The following NKAIN2 variants were observed in gnomAD, a reference collection of about 807,000 sequenced individuals.
NKAIN2 encodes the protein sodium/potassium transporting ATPase interacting 2.
Under a neutral mutation model 32.6 loss-of-function variants are expected in NKAIN2, and 14 were observed. The ratio of observed to expected loss-of-function variants is 0.43; its 90% CI spans 0.28 to 0.67. NKAIN2 has a LOEUF of 0.67. Ranked by LOEUF, NKAIN2 falls within the 30% of genes least tolerant of loss-of-function variation. The pLI is 0.17. For missense variants in NKAIN2, 198 were observed against 258.3 expected, an observed-to-expected ratio of 0.77 and a Z score of 1.60; for synonymous variants, 80 against 87.2, an observed-to-expected ratio of 0.92 and a Z score of 0.46.
chr6:124,564,525 G>A (rs764627136), intron 3 of NKAIN2, among the ~76,000 whole-genome samples: 1 of 152,106 alleles, frequency 6.6e-6, no homozygotes, highest in Non-Finnish European at 1.5e-5. Flanking sequence ...CAACCTGCTC[G>A]GGTCCCATTA....
At chr6:123,975,621 G>C (rs181972766) in intron 1 of NKAIN2, among the ~76,000 whole-genome samples, 1 of 152,234 alleles carries the variant, frequency 6.6e-6, no homozygotes, top group Non-Finnish European at 1.5e-5. Context: ...GGAAGTCCAA[G>C]ATCAAGGCAA....
intron 1 of NKAIN2, among the ~76,000 whole-genome samples, chr6:124,273,587 A>C (rs1582967354): frequency 6.6e-6 from 1 of 152,224 alleles, no homozygotes; most frequent in African/African-American, 2.4e-5. Context: ...GTCAGATGAC[A>C]TGAATATGTC....
chr6:123,853,920 C>T (rs1253909558), intron 1 of NKAIN2, among the ~76,000 whole-genome samples: 1 of 151,962 alleles, frequency 6.6e-6, no homozygotes, highest in Non-Finnish European at 1.5e-5. Flanking sequence ...CTACAGGTGC[C>T]CACCACCACA....
intron 4 of NKAIN2, among the ~76,000 whole-genome samples, chr6:124,692,819 GAAA>G (rs548346323): frequency 6.9e-6 from 1 of 144,894 alleles, no homozygotes; most frequent in African/African-American, 2.6e-5. Flanking sequence ...TGTCTCAAAA[GAAA>G]AAAAAAAATA....
intron 4 of NKAIN2, among the ~76,000 whole-genome samples, chr6:124,688,453 T>C (rs1774098354): frequency 6.6e-6 from 1 of 152,110 alleles, no homozygotes; most frequent in Non-Finnish European, 1.5e-5. Flanking sequence ...ATACATTTGT[T>C]ACAATTGATG....
At chr6:124,195,617 C>G (rs1258085109) in intron 1 of NKAIN2, among the ~76,000 whole-genome samples, 1 of 152,062 alleles carries the variant, frequency 6.6e-6, no homozygotes, top group Non-Finnish European at 1.5e-5. Flanking sequence ...AAGTGAGAAA[C>G]TTGGATAAAG....
chr6:124,147,492 G>A (rs1787470131), intron 1 of NKAIN2, among the ~76,000 whole-genome samples: 2 of 151,874 alleles, frequency 1.3e-5, no homozygotes, highest in Non-Finnish European at 2.9e-5. Flanking sequence ...GAGATAAAAA[G>A]ACTAAAATAA....
At chr6:123,930,286 A>G (rs912187523) in intron 1 of NKAIN2, among the ~76,000 whole-genome samples, 2 of 152,178 alleles carry the variant, frequency 1.3e-5, no homozygotes, top group African/African-American at 4.8e-5. Flanking sequence ...TGTACATTTT[A>G]TGGTGTAGAT....
At chr6:124,444,834 T>C (rs1445724072) in intron 3 of NKAIN2, among the ~76,000 whole-genome samples, 1 of 151,982 alleles carries the variant, frequency 6.6e-6, no homozygotes, top group Non-Finnish European at 1.5e-5. Flanking sequence ...ATTTAAGAAA[T>C]TGAATTTTAA....
In NKAIN2 at chr6:124,038,607, A is replaced by G. The variant is rs143635699; in HGVS notation, c.54+234353A>G. On this transcript the variant is annotated intron_variant, in intron 1 of 6. Coordinates refer to ENST00000368417, the MANE Select transcript of NKAIN2 (RefSeq NM_001040214.3). ...ATTTAAACTGCATATTATTAGAAAA[A>G]AATATGAGACCTAGGAAAGACTGTA... Among the ~76,000 whole-genome samples the G allele has an allele frequency of 4.2e-4, 64 of 152,242 alleles. 1 individual carries two copies. In the East Asian group the frequency reaches 0.011, roughly 27 times the overall value.
At chr6:123,983,745 A>T (rs1019396791) in intron 1 of NKAIN2, among the ~76,000 whole-genome samples, 20 of 150,024 alleles carry the variant, frequency 1.3e-4, no homozygotes, top group South Asian at 2.1e-4. Flanking sequence ...ATATATATAT[A>T]TTTTTTTTTT....
At chr6:123,852,958 ATGT>A (rs1775410823) in intron 1 of NKAIN2, among the ~76,000 whole-genome samples, 2 of 152,340 alleles carry the variant, frequency 1.3e-5, no homozygotes, top group Admixed American at 1.3e-4. Context: ...ATGTTTCTAA[ATGT>A]TGTACCATGT....
chr6:124,687,504 A>C (rs1774009684), intron 4 of NKAIN2, among the ~76,000 whole-genome samples: 1 of 5,616 alleles, frequency 1.8e-4, no homozygotes, highest in South Asian at 0.014. Context: ...ATATACATAC[A>C]TGGTATATAT....
At chr6:124,037,167 A>G (rs967008230) in intron 1 of NKAIN2, among the ~76,000 whole-genome samples, 4 of 152,152 alleles carry the variant, frequency 2.6e-5, no homozygotes, top group African/African-American at 9.6e-5. Context: ...ATCACTTCCA[A>G]GAAGGAAAAC....
chr6:124,615,645 A>T (rs1782858430), intron 3 of NKAIN2, among the ~76,000 whole-genome samples: 1 of 152,132 alleles, frequency 6.6e-6, no homozygotes, highest in Non-Finnish European at 1.5e-5. Flanking sequence ...AAAATAAAAG[A>T]TATAAAATTT....
chr6:123,837,191 G>T (rs1774665142), intron 1 of NKAIN2, among the ~76,000 whole-genome samples: 2 of 151,614 alleles, frequency 1.3e-5, no homozygotes, highest in South Asian at 4.2e-4. Flanking sequence ...GATTTATGCT[G>T]CATGTTTTAT....
chr6:124,014,837 A>G (rs558205351), intron 1 of NKAIN2, among the ~76,000 whole-genome samples: 1 of 152,168 alleles, frequency 6.6e-6, no homozygotes, highest in Non-Finnish European at 1.5e-5. Context: ...CTTAAAAATC[A>G]TCTTTTTGAA....
At chr6:124,499,748 T>C (rs1778211258) in intron 3 of NKAIN2, among the ~76,000 whole-genome samples, 1 of 152,226 alleles carries the variant, frequency 6.6e-6, no homozygotes, top group Non-Finnish European at 1.5e-5. Flanking sequence ...GCATCACTTA[T>C]ATGGAAGGAA....
intron 3 of NKAIN2, among the ~76,000 whole-genome samples, chr6:124,360,666 G>A (rs1398653388): frequency 2.0e-5 from 3 of 151,978 alleles, no homozygotes; most frequent in Non-Finnish European, 4.4e-5. Context: ...TTAACAAAAT[G>A]ATGGGAATAT....
Sources: allele counts gnomAD v4.1 joint callset (sites outside exome capture counted in the v4.1 genomes callset), GRCh38; gene constraint gnomAD v4.1.1; transcripts MANE v1.5; gene names NCBI Gene and HGNC (gene_info 2026-07-23, HGNC 2026-07-21).